Variants in ZNF184 observed in about 807,000 individuals in gnomAD.
ZNF184 encodes zinc finger protein 184 (Kruppel-like).
Under a neutral mutation model 54.4 loss-of-function variants are expected in ZNF184, and 16 were observed. The observed-to-expected ratio is 0.29, with a 90% CI of 0.20 to 0.45. The LOEUF is 0.45. Ranked by LOEUF, ZNF184 falls within the 20% of genes least tolerant of loss-of-function variation. The pLI is 1.00. For synonymous variants in ZNF184, 254 were observed against 295.3 expected, an observed-to-expected ratio of 0.86 and a Z score of 1.43; for missense variants, 681 against 888.2, an observed-to-expected ratio of 0.77 and a Z score of 2.97.
chr6:27,424,305 C>T, the ZNF184 span, among the ~76,000 whole-genome samples: 2 of 152,190 alleles, frequency 1.3e-5, no homozygotes, highest in Non-Finnish European at 2.9e-5. Context: ...AAAGAGTAAG[C>T]AGCAGCAAGA....
intron 3 of ZNF184, among the ~76,000 whole-genome samples, chr6:27,466,855 A>G (rs866170766): frequency 2.6e-5 from 4 of 152,234 alleles, no homozygotes; most frequent in Middle Eastern, 6.8e-3. Context: ...CTAAGTTCTC[A>G]ATCAGTCCAG....
the ZNF184 span, among the ~76,000 whole-genome samples, chr6:27,426,892 T>C: frequency 6.6e-6 from 1 of 152,140 alleles, no homozygotes; most frequent in Non-Finnish European, 1.5e-5. This position sits in a 1 kb window ranked among gnomAD's most constrained non-coding sequence, Gnocchi z 4.2. Flanking sequence ...TAGGCAAAGA[T>C]TCCTGAATAT....
chr6:27,413,659 A>G, the ZNF184 span, among the ~76,000 whole-genome samples: 15 of 152,318 alleles, frequency 9.8e-5, no homozygotes, highest in East Asian at 2.9e-3. Context: ...ATTTCTAAAA[A>G]CCATGGACAA....
the ZNF184 span, among the ~76,000 whole-genome samples, chr6:27,420,575 T>C: frequency 6.6e-6 from 1 of 152,140 alleles, no homozygotes; most frequent in African/African-American, 2.4e-5. Flanking sequence ...CAGGGGAATA[T>C]AAATTAAAAT....
chr6:27,423,791 TAAC>T, the ZNF184 span, among the ~76,000 whole-genome samples: 2 of 152,224 alleles, frequency 1.3e-5, no homozygotes, highest in Non-Finnish European at 2.9e-5. Context: ...AATTTATACT[TAAC>T]AAAATGTTCA....
the ZNF184 span, chr6:27,406,599 C>T: frequency 0.036 from 5,425 of 152,400 alleles, 201 homozygotes; most frequent in African/African-American, 0.094. Context: ...TGAACTGGAA[C>T]ACTCTGGCAG....
the ZNF184 span, among the ~76,000 whole-genome samples, chr6:27,411,569 A>C: frequency 0.03 from 4,595 of 152,306 alleles, 135 homozygotes; most frequent in African/African-American, 0.084. Context: ...AATAGCCTAT[A>C]TCTTTAATAC....
At chr6:27,443,865 T>C in the ZNF184 span, among the ~76,000 whole-genome samples, 1 of 152,138 alleles carries the variant, frequency 6.6e-6, no homozygotes, top group African/African-American at 2.4e-5. Context: ...TTATTTCTCA[T>C]AAGCACCCTT....
chr6:27,424,452 T>A, the ZNF184 span, among the ~76,000 whole-genome samples: 1 of 152,110 alleles, frequency 6.6e-6, no homozygotes, highest in African/African-American at 2.4e-5. Context: ...TAGAGCCGAG[T>A]GGTCTGTTTT....
the ZNF184 span, among the ~76,000 whole-genome samples, chr6:27,426,993 A>C: frequency 1.3e-5 from 2 of 152,064 alleles, no homozygotes; most frequent in African/African-American, 2.4e-5. This position sits in a 1 kb window ranked among gnomAD's most constrained non-coding sequence, Gnocchi z 4.2. Flanking sequence ...CAAACTTACA[A>C]ATTTCTCTAC....
At chr6:27,424,009 T>A in the ZNF184 span, among the ~76,000 whole-genome samples, 3 of 152,216 alleles carry the variant, frequency 2.0e-5, no homozygotes, top group Admixed American at 2.0e-4. Context: ...TCTCACTGAC[T>A]TCAAGAATGA....
the ZNF184 span, among the ~76,000 whole-genome samples, chr6:27,434,891 G>A: frequency 1.3e-5 from 2 of 152,128 alleles, no homozygotes; most frequent in African/African-American, 4.8e-5. Flanking sequence ...AGTTTTCCCA[G>A]AGCCATTTGT....
At chr6:27,409,498 C>CAAAAAAAAAAAAAAAAA in the ZNF184 span, among the ~76,000 whole-genome samples, 1 of 39,942 alleles carries the variant, frequency 2.5e-5, no homozygotes, top group Non-Finnish European at 5.0e-5. Flanking sequence ...GACTCCGTCT[C>CAAAAAAAAAAAAAAAAA]AAAAAAAAAA....
At position 27,453,305 on chromosome 6, in the gene ZNF184, A is replaced by C; in HGVS notation, c.299-45T>G. 1 of 1,493,136 alleles carries C rather than the reference A, an allele frequency of 6.7e-7. No homozygotes were observed. The highest frequency in any genetic ancestry group is 1.4e-5 in the South Asian group (1 of 72,810). The allele number at this position is 1,493,136 out of a possible 1,614,324, so 92.5% of individuals were successfully genotyped here. ...CCAGTGTTCTCTGAATAGAGAAAAA[A>C]TAAACTGCTATTGTGGGAATAATAT... On this transcript the variant is annotated intron_variant, in intron 5 of 5. Transcript: ENST00000683788. The surrounding 1 kb of genome is among the most constrained non-coding windows in gnomAD (Gnocchi z 4.7).
the ZNF184 span, chr6:27,406,051 TTAACA>T: frequency 2.0e-5 from 3 of 152,044 alleles, no homozygotes; most frequent in Non-Finnish European, 2.9e-5. Flanking sequence ...GAACTAGAGG[TTAACA>T]TAACATCATT....
At chr6:27,440,466 A>G in the ZNF184 span, among the ~76,000 whole-genome samples, 1 of 152,214 alleles carries the variant, frequency 6.6e-6, no homozygotes, top group Non-Finnish European at 1.5e-5. Context: ...ACAGACACTC[A>G]TTAAATAAGC....
downstream of ZNF184, among the ~76,000 whole-genome samples, chr6:27,446,574 G>A (rs553227240): frequency 3.9e-4 from 59 of 152,298 alleles, no homozygotes; most frequent in African/African-American, 1.4e-3. Context: ...GAGCCCCTAC[G>A]ACAATGACAA....
downstream of ZNF184, among the ~76,000 whole-genome samples, chr6:27,446,525 C>T (rs566885959): frequency 3.3e-5 from 5 of 152,270 alleles, no homozygotes; most frequent in African/African-American, 1.2e-4. Flanking sequence ...AGTCTGGGGG[C>T]CCAGGCAGAG....
At chr6:27,438,937 T>C in the ZNF184 span, among the ~76,000 whole-genome samples, 1 of 152,232 alleles carries the variant, frequency 6.6e-6, no homozygotes, top group Admixed American at 6.5e-5. Context: ...GCTTCACTAT[T>C]ATTTTATCAA....
Sources: allele counts gnomAD v4.1 joint callset (sites outside exome capture counted in the v4.1 genomes callset), GRCh38; gene constraint gnomAD v4.1.1; non-coding constraint Gnocchi (gnomAD v3.1); transcripts MANE v1.5; gene names NCBI Gene and HGNC (gene_info 2026-07-23, HGNC 2026-07-21).